The following KTN1 variants were observed in gnomAD, a reference collection of about 807,000 sequenced individuals.
KTN1 encodes the protein kinectin 1, also known as kinectin.
Under a neutral mutation model 222.5 loss-of-function variants are expected in KTN1, and 130 were observed. The observed-to-expected ratio is 0.58, with a 90% CI of 0.51 to 0.68. KTN1 has a LOEUF of 0.68. Among genes scored for constraint, KTN1 ranks in the 30% least tolerant of loss-of-function variants. The pLI, the probability that KTN1 is intolerant of heterozygous loss-of-function variation, is 0.00. For missense variants in KTN1, 1,508 were observed against 1,500.4 expected (o/e 1.01, Z -0.08); for synonymous variants, 512 against 496.3 (o/e 1.03, Z -0.42).
At chr14:55,583,099 A>G (rs1036010509) in intron 1 of KTN1, among the ~76,000 whole-genome samples, 13 of 152,164 alleles carry the variant, frequency 8.5e-5, no homozygotes, top group Admixed American at 7.2e-4. Context: ...CTCCTCTATA[A>G]ATAGAAAATT....
intron 17 of KTN1, 31 bp downstream of exon 17, chr14:55,641,239 C>A: frequency 7.8e-7 from 1 of 1,283,380 alleles, no homozygotes; most frequent in Non-Finnish European, 1.1e-6. Context: ...ACTCAGGTTT[C>A]TTAGAACAAC....
At chr14:55,625,348 A>G (rs369314020) in intron 5 of KTN1, among the ~76,000 whole-genome samples, 1 of 152,200 alleles carries the variant, frequency 6.6e-6, no homozygotes, top group African/African-American at 2.4e-5. Context: ...TTGACCTTTA[A>G]ATATACTTGC....
Position 55,684,356 on chromosome 14 carries a change from C to A in KTN1, c.*253C>A. The A allele has an allele frequency of 5.6e-6, 2 of 356,208 alleles. No homozygotes were observed. The highest frequency in any genetic ancestry group is 1.0e-5 in the Non-Finnish European group (2 of 199,030). The allele number at this position is 356,208 out of a possible 1,614,324, so 22.1% of individuals were successfully genotyped here. On this transcript the variant is annotated 3_prime_UTR_variant, in exon 44 of 44. Coordinates refer to ENST00000395314, the MANE Select transcript of KTN1 (RefSeq NM_001079521.2). ...AGACCTTTACATTCCTGAAGATAAACATGTAATCTTTTATCTTATTTTGCT... is the reference window on the plus strand; with the variant it reads ...AGACCTTTACATTCCTGAAGATAAAAATGTAATCTTTTATCTTATTTTGCT...
At chr14:55,649,010 C>T (rs551369162) in intron 21 of KTN1, 140 bp downstream of exon 21, 9 of 622,794 alleles carry the variant, frequency 1.4e-5, no homozygotes, top group South Asian at 8.0e-5. Flanking sequence ...ACCGTAACCT[C>T]GAACTCCTGG....
intron 2 of KTN1, among the ~76,000 whole-genome samples, chr14:55,614,863 G>A (rs543281491): frequency 6.6e-6 from 1 of 152,176 alleles, no homozygotes; most frequent in African/African-American, 2.4e-5. Context: ...ACTGGAGAGA[G>A]ACTAGATGTG....
chr14:55,635,171 G>A (rs1325874473), intron 9 of KTN1, among the ~76,000 whole-genome samples: 4 of 152,158 alleles, frequency 2.6e-5, no homozygotes, highest in Non-Finnish European at 5.9e-5. Flanking sequence ...GCTATGCCCT[G>A]ATGAAAGAAA....
In KTN1 at chr14:55,600,820, A is replaced by AAAAAGTT. The variant is rs544277530; in HGVS notation, c.-30-11197_-30-11191dup. Among the ~76,000 whole-genome samples, 1,356 of 152,316 alleles carry AAAAAGTT rather than the reference A, an allele frequency of 8.9e-3. 7 individuals are homozygous for AAAAAGTT. Among genetic ancestry groups the AAAAAGTT allele is most frequent in the African/African-American group, 0.022 (909 of 41,568 alleles). The stretch of plus-strand genomic sequence containing the variant: ...GAAAACTGATTTGAAAGACTATTTT[A>AAAAAGTT]AAAAGTTATTACTTTTTTGGTATTA... On this transcript the variant is annotated intron_variant, in intron 1 of 43. Transcript: ENST00000395314.
At chr14:55,593,446 C>CCCCCCAAA (rs1555357160) in intron 1 of KTN1, among the ~76,000 whole-genome samples, 3 of 120,584 alleles carry the variant, frequency 2.5e-5, no homozygotes, top group African/African-American at 9.5e-5. Context: ...ACCCCCCCCC[C>CCCCCCAAA]AAAAAAAAAA....
intron 41 of KTN1, 68 bp downstream of exon 41, chr14:55,675,986 T>A (rs1254051422): frequency 2.0e-6 from 2 of 1,001,088 alleles, no homozygotes; most frequent in East Asian, 5.0e-5. Flanking sequence ...TTAAGCAAAC[T>A]TATGCTGCTA....
intron 41 of KTN1, among the ~76,000 whole-genome samples, chr14:55,676,144 A>T (rs904838111): frequency 3.3e-5 from 5 of 152,194 alleles, no homozygotes; most frequent in African/African-American, 1.2e-4. Flanking sequence ...TTCTATAATT[A>T]ATTGCTTTAT....
intron 1 of KTN1, among the ~76,000 whole-genome samples, chr14:55,581,756 CTT>C (rs2031704474): frequency 6.9e-6 from 1 of 145,820 alleles, no homozygotes; most frequent in African/African-American, 2.8e-5. Flanking sequence ...GCTGGTGAGA[CTT>C]GGGATAATGA....
chr14:55,673,691 A>G (rs1192888459), intron 40 of KTN1: 1 of 153,190 alleles, frequency 6.5e-6, no homozygotes, highest in East Asian at 1.9e-4. Context: ...AAGGGCAGTA[A>G]TCTAATCCAG....
chr14:55,636,227 T>A (rs1432239228), intron 9 of KTN1, among the ~76,000 whole-genome samples: 1 of 152,224 alleles, frequency 6.6e-6, no homozygotes, highest in Non-Finnish European at 1.5e-5. Context: ...ATCTCCAAAC[T>A]GTAAACCCTG....
chr14:55,661,718 C>T, intron 32 of KTN1, 106 bp downstream of exon 32: 2 of 563,844 alleles, frequency 3.5e-6, no homozygotes, highest in Admixed American at 3.4e-5. Context: ...ATTTCTTAAT[C>T]TTTGTAAGAA....
At chr14:55,646,550 CTCTT>C (rs531461955) in intron 18 of KTN1, among the ~76,000 whole-genome samples, 33 of 131,678 alleles carry the variant, frequency 2.5e-4, no homozygotes, top group Non-Finnish European at 4.5e-4. Context: ...CTTTCCTTCT[CTCTT>C]TCTCTCTCTT....
chr14:55,654,015 T>G (rs1166946872), intron 28 of KTN1, among the ~76,000 whole-genome samples: 1 of 152,192 alleles, frequency 6.6e-6, no homozygotes, highest in Non-Finnish European at 1.5e-5. Context: ...AACCTTTCTG[T>G]AATTTTAATT....
intron 34 of KTN1, among the ~76,000 whole-genome samples, chr14:55,669,977 G>A (rs77182097): frequency 0.06 from 9,159 of 151,932 alleles, 382 homozygotes; most frequent in South Asian, 0.09. Context: ...TTTAAAGTAT[G>A]TAACACACAG....
At chr14:55,637,439 A>C in intron 11 of KTN1, 75 bp downstream of exon 11, 2 of 1,016,968 alleles carry the variant, frequency 2.0e-6, no homozygotes, top group Non-Finnish European at 2.8e-6. Flanking sequence ...TAGAAGAGAG[A>C]CTAAAGTCTA....
At chr14:55,671,498 A>G (rs2045445463) in intron 35 of KTN1, 68 bp from the exon 36 acceptor site, 2 of 1,167,840 alleles carry the variant, frequency 1.7e-6, no homozygotes, top group African/African-American at 1.5e-5. Flanking sequence ...ATTAAGTACT[A>G]AAACAAACTT....
Sources: allele counts gnomAD v4.1 joint callset (sites outside exome capture counted in the v4.1 genomes callset), GRCh38; gene constraint gnomAD v4.1.1; transcripts MANE v1.5; gene names NCBI Gene and HGNC (gene_info 2026-07-23, HGNC 2026-07-21).